COL14A1: variants seen among roughly 807,000 people sequenced by gnomAD.
COL14A1 encodes collagen type XIV alpha 1 chain.
In COL14A1, 136 loss-of-function variants were observed where a neutral mutation model predicts 230.3. That is an observed-to-expected ratio of 0.59 (90% CI 0.51 to 0.68). The LOEUF is 0.68. Ranked by LOEUF, COL14A1 falls within the 30% of genes least tolerant of loss-of-function variation. COL14A1 has a pLI of 0.00. For synonymous variants in COL14A1, 792 were observed against 784.1 expected (o/e 1.01, Z -0.17); for missense variants, 1,976 against 2,215.8 (o/e 0.89, Z 2.17).
chr8:120,254,606 G>T (rs1264790153), intron 22 of COL14A1, among the ~76,000 whole-genome samples: 1 of 151,648 alleles, frequency 6.6e-6, no homozygotes, highest in East Asian at 1.9e-4. Context: ...GTATATAAAG[G>T]GGGTAAGATT....
rs751796105 is a variant in COL14A1 at position 120,345,434 on chromosome 8, C to T, written c.4948C>T (p.Arg1650Trp). 31 of 1,603,496 alleles carry T rather than the reference C, an allele frequency of 1.9e-5. No homozygotes were observed. The East Asian group carries it at 4.6e-4, about 24-fold the overall frequency. ...GATTCCCAGCCACTCCTCATCCATC[C>T]GGACTGTCCAAGGGCCTCCTGGGGA... ...NQIPSHSSSIRTVQGPPGEPG... is the reference protein window; with the variant it reads ...NQIPSHSSSIWTVQGPPGEPG... Residue 1650 changes from arginine (R) to tryptophan (W), a missense_variant, in exon 45 of 48, where the codon CGG becomes TGG. Physicochemically the swap from Arg to Trp is moderately radical, Grantham distance 101. Coordinates refer to ENST00000297848, the MANE Select transcript of COL14A1 (RefSeq NM_021110.4).
chr8:120,196,667 T>C (rs1420625299), intron 5 of COL14A1, 124 bp from the exon 6 acceptor site: 7 of 919,310 alleles, frequency 7.6e-6, no homozygotes, highest in Middle Eastern at 2.4e-4. Context: ...TGTAAAAAGA[T>C]GGCTGCTCCT....
At chr8:120,337,172 C>T (rs567620778) in intron 42 of COL14A1, among the ~76,000 whole-genome samples, 1 of 152,222 alleles carries the variant, frequency 6.6e-6, no homozygotes, top group East Asian at 1.9e-4. Flanking sequence ...AGGTGAATCA[C>T]CTGAGGTCAG....
rs1817092219 is a variant in COL14A1 at position 120,197,860 on chromosome 8, A to C, written c.642A>C (p.Ala214=). ...GDPRIEWHLN[A]FSTKDEVIEA... is the part of the protein sequence containing the mutation. Reference sequence around the variant, plus strand: ...CCAGAATAGAATGGCACTTGAATGCATTTAGCACAAAAGATGAAGTGATTG... The same window carrying C: ...CCAGAATAGAATGGCACTTGAATGCCTTTAGCACAAAAGATGAAGTGATTG... The change falls in exon 7 of 48, where the codon GCA becomes GCC. Residue 214 remains alanine (A), a synonymous_variant. Transcript: ENST00000297848. 1 of 1,613,580 alleles carries C rather than the reference A, an allele frequency of 6.2e-7. No homozygotes were observed. The highest frequency in any genetic ancestry group is 1.7e-5 in the Admixed American group (1 of 59,986).
At chr8:120,324,156 C>G (rs531475836) in intron 40 of COL14A1, among the ~76,000 whole-genome samples, 1 of 151,812 alleles carries the variant, frequency 6.6e-6, no homozygotes, top group South Asian at 2.1e-4. Context: ...ATAATCTGTA[C>G]AACAGACCCC....
chr8:120,340,177 A>G (rs183365631), intron 42 of COL14A1, among the ~76,000 whole-genome samples: 1 of 151,854 alleles, frequency 6.6e-6, no homozygotes, highest in Admixed American at 6.6e-5. Context: ...AGGAGAGAAG[A>G]TAGAGCCAGG....
intron 40 of COL14A1, among the ~76,000 whole-genome samples, chr8:120,331,770 C>T (rs1337263527): frequency 1.3e-5 from 2 of 152,180 alleles, no homozygotes; most frequent in Non-Finnish European, 2.9e-5. Flanking sequence ...GATTCCCTGC[C>T]CAAGACTCTC....
chr8:120,200,718 TA>T (rs1817213214), intron 8 of COL14A1, among the ~76,000 whole-genome samples: 5 of 5,382 alleles, frequency 9.3e-4, no homozygotes, highest in East Asian at 9.8e-3. Flanking sequence ...TTCCTATTTA[TA>T]TATATATATA....
chr8:120,333,033 A>G (rs189555647), intron 42 of COL14A1, among the ~76,000 whole-genome samples: 81 of 152,324 alleles, frequency 5.3e-4, no homozygotes, highest in Non-Finnish European at 6.6e-4. Flanking sequence ...CTCTCCAGAG[A>G]TTGGGTACAA....
At chr8:120,321,598 G>A (rs557509407) in intron 40 of COL14A1, among the ~76,000 whole-genome samples, 3 of 150,628 alleles carry the variant, frequency 2.0e-5, no homozygotes, top group South Asian at 2.1e-4. Flanking sequence ...AGCCGAGATC[G>A]CACCACTGCA....
At chr8:120,279,604 T>G (rs562598601) in intron 28 of COL14A1, among the ~76,000 whole-genome samples, 93 of 152,044 alleles carry the variant, frequency 6.1e-4, no homozygotes, top group Admixed American at 1.2e-3. Context: ...TCAAGTATAT[T>G]TCATACCATA....
At chr8:120,302,597 A>T (rs1483279417) in intron 36 of COL14A1, among the ~76,000 whole-genome samples, 1 of 152,070 alleles carries the variant, frequency 6.6e-6, no homozygotes, top group Non-Finnish European at 1.5e-5. Context: ...CCCCTGGTCT[A>T]TGTGTCTGTT....
At chr8:120,292,422 G>A (rs186389283) in intron 34 of COL14A1, among the ~76,000 whole-genome samples, 72 of 152,196 alleles carry the variant, frequency 4.7e-4, no homozygotes, top group Non-Finnish European at 5.6e-4. Flanking sequence ...GAATCTAGAA[G>A]TCTACAAAGG....
intron 9 of COL14A1, among the ~76,000 whole-genome samples, 173 bp downstream of exon 9, chr8:120,204,043 G>A (rs544483094): frequency 6.6e-6 from 1 of 152,206 alleles, no homozygotes; most frequent in African/African-American, 2.4e-5. Flanking sequence ...CTTTGTGGGG[G>A]TGAAGGAGGG....
chr8:120,283,729 G>A lies in COL14A1; in HGVS notation c.3918G>A (p.Trp1306Ter), dbSNP rs1388136461. 2 of 1,612,936 alleles carry A rather than the reference G, an allele frequency of 1.2e-6. No individual in the cohort carries two copies. The highest frequency in any genetic ancestry group is 2.7e-5 in the African/African-American group (2 of 74,818). ...CTCCACAGGAGCCATTTGCTCTTTGGGAGATTTTAAATAAAAATTCTGACC... is the reference window on the plus strand; with the variant it reads ...CTCCACAGGAGCCATTTGCTCTTTGAGAGATTTTAAATAAAAATTCTGACC... ...PDTPQEPFAL[W>*]EILNKNSDPL... The change falls in exon 32 of 48, where the codon TGG becomes TGA. Residue 1306 changes from tryptophan (W) to a stop codon, truncating the protein, a stop_gained. Transcript: ENST00000297848. LOFTEE classifies it high-confidence loss of function.
At chr8:120,310,096 A>ATCTC (rs377750238) in intron 37 of COL14A1, 34 bp downstream of exon 37, 5 of 1,576,850 alleles carry the variant, frequency 3.2e-6, no homozygotes, top group Non-Finnish European at 4.3e-6. Flanking sequence ...TCTCTGTCTC[A>ATCTC]TCTCTCTCTC....
At chr8:120,215,343 C>T (rs1817718684) in intron 13 of COL14A1, among the ~76,000 whole-genome samples, 1 of 151,344 alleles carries the variant, frequency 6.6e-6, no homozygotes, top group East Asian at 2.0e-4. Context: ...TGCACCCCAC[C>T]CTGGATGACA....
intron 3 of COL14A1, 58 bp downstream of exon 3, chr8:120,158,304 T>G: frequency 1.1e-6 from 1 of 935,248 alleles, no homozygotes; most frequent in Non-Finnish European, 1.8e-6. Context: ...CATAGGCAAC[T>G]AAAAACATGT....
At position 120,228,698 on chromosome 8, in the gene COL14A1, T is replaced by C; in HGVS notation, c.2138-12T>C. ...GTTTTTGCAGCATTTTAAAGTAATATATTGCTTTTAGTTGACAGTTTTTGG... is the reference window on the plus strand; with the variant it reads ...GTTTTTGCAGCATTTTAAAGTAATACATTGCTTTTAGTTGACAGTTTTTGG... On this transcript the variant is annotated splice_polypyrimidine_tract_variant and intron_variant, in intron 17 of 47. Transcript: ENST00000297848. The C allele has an allele frequency of 6.2e-7, 1 of 1,609,356 alleles. No homozygotes were observed. The highest frequency in any genetic ancestry group is 8.5e-7 in the Non-Finnish European group (1 of 1,175,844).
Sources: allele counts gnomAD v4.1 joint callset (sites outside exome capture counted in the v4.1 genomes callset), GRCh38; gene constraint gnomAD v4.1.1; transcripts MANE v1.5; gene names NCBI Gene and HGNC (gene_info 2026-07-23, HGNC 2026-07-21).